Variants in ASIC2 observed in about 807,000 individuals in gnomAD.
ASIC2 encodes acid sensing ion channel subunit 2.
In ASIC2, 25 loss-of-function variants were observed where a neutral mutation model predicts 57.3. The ratio of observed to expected loss-of-function variants is 0.44; its 90% CI spans 0.32 to 0.61. The LOEUF is 0.61. Among genes scored for constraint, ASIC2 ranks in the 20% least tolerant of loss-of-function variants. ASIC2 has a pLI of 0.06. For missense variants in ASIC2, 641 were observed against 738.1 expected, an observed-to-expected ratio of 0.87 and a Z score of 1.52; for synonymous variants, 319 against 307.5, an observed-to-expected ratio of 1.04 and a Z score of -0.39.
chr17:33,316,937 T>C (rs1016019283), intron 1 of ASIC2, among the ~76,000 whole-genome samples: 1 of 152,226 alleles, frequency 6.6e-6, no homozygotes, highest in African/African-American at 2.4e-5. Flanking sequence ...CTACACTCTG[T>C]GCTAATCAGC....
intron 1 of ASIC2, among the ~76,000 whole-genome samples, chr17:33,684,669 G>T (rs184694951): frequency 6.6e-6 from 1 of 152,244 alleles, no homozygotes; most frequent in African/African-American, 2.4e-5. Flanking sequence ...TGCTAAATTG[G>T]TCATTATCTT....
At chr17:33,222,524 C>T (rs911588601) in intron 1 of ASIC2, among the ~76,000 whole-genome samples, 2 of 152,154 alleles carry the variant, frequency 1.3e-5, no homozygotes, top group Non-Finnish European at 2.9e-5. Flanking sequence ...TACTACAAAA[C>T]ATTGAATTGC....
At chr17:33,353,502 A>G (rs1486552066) in intron 1 of ASIC2, among the ~76,000 whole-genome samples, 1 of 151,960 alleles carries the variant, frequency 6.6e-6, no homozygotes, top group Non-Finnish European at 1.5e-5. Context: ...CCTGGCTAAT[A>G]TATATATTTT....
intron 1 of ASIC2, among the ~76,000 whole-genome samples, chr17:33,499,987 T>G (rs2038633567): frequency 6.6e-6 from 1 of 151,994 alleles, no homozygotes; most frequent in Admixed American, 6.5e-5. Context: ...CATAAGCCAG[T>G]TTGGGTAAGT....
intron 1 of ASIC2, among the ~76,000 whole-genome samples, chr17:33,320,687 A>T (rs569346781): frequency 2.0e-5 from 3 of 152,188 alleles, no homozygotes; most frequent in African/African-American, 4.8e-5. Context: ...CTCTTAAGCC[A>T]TGATGTGTCT....
chr17:33,549,029 G>T (rs1915667061), intron 1 of ASIC2, among the ~76,000 whole-genome samples: 1 of 151,956 alleles, frequency 6.6e-6, no homozygotes, highest in Admixed American at 6.6e-5. Flanking sequence ...CACTTGTTTT[G>T]TCTGTTTCTT....
intron 1 of ASIC2, among the ~76,000 whole-genome samples, chr17:33,609,942 C>T (rs1214878829): frequency 6.6e-6 from 1 of 151,994 alleles, no homozygotes; most frequent in African/African-American, 2.4e-5. Flanking sequence ...CCACAGGCTT[C>T]CCCCTCCTCC....
At chr17:33,333,347 C>A (rs1048947756) in intron 1 of ASIC2, among the ~76,000 whole-genome samples, 3 of 152,166 alleles carry the variant, frequency 2.0e-5, no homozygotes, top group African/African-American at 7.2e-5. Flanking sequence ...TGGATACAAT[C>A]CAGATGTCCA....
chr17:33,674,096 T>C (rs1403573772), intron 1 of ASIC2, among the ~76,000 whole-genome samples: 1 of 152,158 alleles, frequency 6.6e-6, no homozygotes, highest in African/African-American at 2.4e-5. Context: ...GGTTTCACCA[T>C]GTTGGCCAGG....
At chr17:33,020,564 G>C (rs1383085216) in intron 7 of ASIC2, among the ~76,000 whole-genome samples, 3 of 152,140 alleles carry the variant, frequency 2.0e-5, no homozygotes, top group Admixed American at 6.5e-5. Context: ...TGTGAGTTTT[G>C]GGTTGGGCTG....
In ASIC2 at chr17:33,013,663, A is replaced by G. The variant is rs1229284489; in HGVS notation, c.*302T>C. 1.5e-5 allele frequency: 6 copies of G among 400,566 alleles called. No homozygotes were observed. The highest frequency in any genetic ancestry group is 2.3e-5 in the Non-Finnish European group (5 of 215,162). The allele number at this position is 400,566 out of a possible 1,614,324, so 24.8% of individuals were successfully genotyped here. A position where few individuals can be genotyped will look rare whatever the true frequency, so the allele number is the denominator to read the frequency against. On this transcript the variant is annotated 3_prime_UTR_variant, in exon 10 of 10. Transcript: ENST00000225823. ...ACAAGACAGACGTGGAGGTGGCGCC[A>G]CAAGAAGTCTGAGCATGCAGGTGCT...
intron 1 of ASIC2, among the ~76,000 whole-genome samples, chr17:33,424,648 C>A (rs1442061475): frequency 6.6e-6 from 1 of 152,198 alleles, no homozygotes; most frequent in Admixed American, 6.5e-5. Flanking sequence ...GCTGGCAATC[C>A]AGAGAAAGTT....
At chr17:33,828,611 T>A (rs9900270) in intron 1 of ASIC2, 103,720 of 151,982 alleles carry the variant, frequency 0.68, 35,754 homozygotes, top group Non-Finnish European at 0.72. Context: ...GGGATGTGAA[T>A]GCGGAGATGA....
chr17:33,738,003 A>G (rs1392156667), intron 1 of ASIC2, among the ~76,000 whole-genome samples: 1 of 152,256 alleles, frequency 6.6e-6, no homozygotes, highest in Non-Finnish European at 1.5e-5. Context: ...ATATGGAACT[A>G]AATTGCTGGT....
chr17:33,740,442 A>G (rs947372163), intron 1 of ASIC2, among the ~76,000 whole-genome samples: 1 of 152,204 alleles, frequency 6.6e-6, no homozygotes, highest in Non-Finnish European at 1.5e-5. Flanking sequence ...CAAAAAGGGG[A>G]AAAGCCTCTT....
chr17:33,197,932 T>C (rs1002311765), intron 1 of ASIC2, among the ~76,000 whole-genome samples: 13 of 152,234 alleles, frequency 8.5e-5, no homozygotes, highest in Non-Finnish European at 1.5e-4. Context: ...ATGTGTTACA[T>C]GGGCTTCCAC....
chr17:33,983,429 A>G (rs1905696626), intron 1 of ASIC2, among the ~76,000 whole-genome samples: 1 of 152,192 alleles, frequency 6.6e-6, no homozygotes, highest in African/African-American at 2.4e-5. Flanking sequence ...GTTTCCAATC[A>G]GTGAGAGCAC....
chr17:33,488,763 TAAG>T (rs1016449076), intron 1 of ASIC2, among the ~76,000 whole-genome samples: 6 of 152,032 alleles, frequency 3.9e-5, no homozygotes, highest in Non-Finnish European at 8.8e-5. Flanking sequence ...CTACCCACAT[TAAG>T]AAGGAGTTTT....
At chr17:33,196,045 T>A (rs1906613002) in intron 1 of ASIC2, among the ~76,000 whole-genome samples, 1 of 152,186 alleles carries the variant, frequency 6.6e-6, no homozygotes, top group Non-Finnish European at 1.5e-5. Context: ...CGCCAGTCAC[T>A]TTACATATAT....
Sources: allele counts gnomAD v4.1 joint callset (sites outside exome capture counted in the v4.1 genomes callset), GRCh38; gene constraint gnomAD v4.1.1; transcripts MANE v1.5; gene names NCBI Gene and HGNC (gene_info 2026-07-23, HGNC 2026-07-21).